ANXA4: variants seen among roughly 807,000 people sequenced by gnomAD.
ANXA4 encodes the protein 35-beta calcimedin.
In ANXA4, 39 loss-of-function variants were observed where a neutral mutation model predicts 49.8. The ratio of observed to expected loss-of-function variants is 0.78; its 90% CI spans 0.61 to 1.02. The LOEUF is 1.02. Among genes scored for constraint, ANXA4 ranks in the 50% least tolerant of loss-of-function variants. The pLI, the probability that ANXA4 is intolerant of heterozygous loss-of-function variation, is 0.00. For missense variants in ANXA4, 360 were observed against 410.1 expected (o/e 0.88, Z 1.05); for synonymous variants, 134 against 152.5 (o/e 0.88, Z 0.89).
At chr2:69,761,018 A>T (rs1421437056) in intron 1 of ANXA4, among the ~76,000 whole-genome samples, 2 of 151,662 alleles carry the variant, frequency 1.3e-5, no homozygotes, top group Non-Finnish European at 2.9e-5. Context: ...TAATTAATTA[A>T]TTAATTAAAA....
exon 2 of ANXA4, chr2:69,653,271 G>A (rs1676318388): frequency 1.3e-5 from 2 of 152,210 alleles, no homozygotes; most frequent in Admixed American, 1.3e-4. Flanking sequence ...TTTGTTACTG[G>A]TCCACAGTTA....
intron 1 of ANXA4, among the ~76,000 whole-genome samples, chr2:69,765,513 C>T (rs1238403544): frequency 1.3e-5 from 2 of 152,148 alleles, no homozygotes; most frequent in African/African-American, 4.8e-5. Flanking sequence ...ACATTTTCAT[C>T]ACCCCTTGAT....
At chr2:69,672,050 G>A (rs1021831117) in intron 2 of ANXA4, among the ~76,000 whole-genome samples, 1 of 152,150 alleles carries the variant, frequency 6.6e-6, no homozygotes, top group Non-Finnish European at 1.5e-5. Flanking sequence ...AGACATGTGG[G>A]AAATGATCTT....
intron 7 of ANXA4, among the ~76,000 whole-genome samples, chr2:69,811,892 T>G (rs1233224040): frequency 6.6e-6 from 1 of 152,324 alleles, no homozygotes; most frequent in East Asian, 1.9e-4. Flanking sequence ...ACCACTCTGA[T>G]GAGCCATGCC....
chr2:69,703,044 G>A (rs574254666), intron 2 of ANXA4, among the ~76,000 whole-genome samples: 2 of 152,112 alleles, frequency 1.3e-5, no homozygotes, highest in South Asian at 2.1e-4. Flanking sequence ...TTAAGTTCTG[G>A]AAAGACACAG....
intron 2 of ANXA4, among the ~76,000 whole-genome samples, chr2:69,660,601 G>A (rs960588545): frequency 9.9e-5 from 15 of 152,084 alleles, no homozygotes; most frequent in African/African-American, 3.6e-4. Flanking sequence ...GAAAAAGAGT[G>A]TATGAAGAAA....
intron 1 of ANXA4, among the ~76,000 whole-genome samples, chr2:69,778,030 G>A (rs373988568): frequency 3.3e-5 from 5 of 152,162 alleles, no homozygotes; most frequent in South Asian, 4.1e-4. Context: ...ATAAGTCTTC[G>A]AAGTTTGAAT....
chr2:69,752,161 T>C (rs981808044), intron 1 of ANXA4, among the ~76,000 whole-genome samples: 2 of 152,122 alleles, frequency 1.3e-5, no homozygotes, highest in South Asian at 4.1e-4. Context: ...CAAAGCACAC[T>C]GAAGGAATGG....
At chr2:69,748,529 A>G (rs1224358633) in intron 1 of ANXA4, among the ~76,000 whole-genome samples, 2 of 150,746 alleles carry the variant, frequency 1.3e-5, no homozygotes, top group African/African-American at 2.4e-5. Context: ...TTTATAAATT[A>G]TATTACATAA....
chr2:69,736,001 G>A (rs760109587), intron 3 of ANXA4, among the ~76,000 whole-genome samples: 6 of 152,128 alleles, frequency 3.9e-5, no homozygotes, highest in Non-Finnish European at 7.3e-5. Context: ...CATGATCTCT[G>A]CAACATGGTG....
chr2:69,663,402 A>G lies in ANXA4; in HGVS notation n.766+10120A>G, dbSNP rs563140652. 3.3e-5 allele frequency among the ~76,000 whole-genome samples: 5 copies of G among 150,104 alleles called. No homozygotes were observed. In the South Asian group the frequency reaches 8.4e-4, roughly 25 times the overall value. On this transcript the variant is annotated intron_variant and non_coding_transcript_variant, in intron 2 of 3. Transcript: ENST00000418066. ...ATAAGGGAAGGATCTGACAATAAAG[A>G]TAGAATCCAAAACACGCTAACAGAG...
At chr2:69,731,513 A>G (rs901050999) in intron 3 of ANXA4, among the ~76,000 whole-genome samples, 1 of 152,210 alleles carries the variant, frequency 6.6e-6, no homozygotes, top group Non-Finnish European at 1.5e-5. Context: ...ATCCACCTAG[A>G]GTATTTGTGA....
At chr2:69,644,170 C>G (rs1469190377), upstream of ANXA4, among the ~76,000 whole-genome samples, 108 of 37,818 alleles carry the variant, frequency 2.9e-3, 7 homozygotes, top group East Asian at 0.02. Context: ...TAAGTTCCCC[C>G]CCCCCCCCCC....
chr2:69,776,517 G>T (rs1671967435), intron 1 of ANXA4, among the ~76,000 whole-genome samples: 2 of 151,912 alleles, frequency 1.3e-5, no homozygotes, highest in South Asian at 4.2e-4. Context: ...TGGGTGAGGG[G>T]GTGGGGTGGG....
intron 1 of ANXA4, among the ~76,000 whole-genome samples, chr2:69,768,193 A>T (rs2105547678): frequency 6.6e-6 from 1 of 152,338 alleles, no homozygotes; most frequent in South Asian, 2.1e-4. Context: ...AGTCCACTGG[A>T]AAATAATAGG....
chr2:69,751,312 G>A (rs778801481), intron 1 of ANXA4, among the ~76,000 whole-genome samples: 5 of 151,948 alleles, frequency 3.3e-5, no homozygotes, highest in Non-Finnish European at 5.9e-5. Context: ...TCAGGGGTTC[G>A]AGACCAGCCT....
intron 2 of ANXA4, among the ~76,000 whole-genome samples, chr2:69,680,979 G>T (rs1471768294): frequency 6.6e-6 from 1 of 151,996 alleles, no homozygotes; most frequent in African/African-American, 2.4e-5. Context: ...TTGTTGTTTG[G>T]TCCTTGTCTT....
At chr2:69,762,381 G>A (rs1311340843) in intron 1 of ANXA4, among the ~76,000 whole-genome samples, 3 of 147,242 alleles carry the variant, frequency 2.0e-5, no homozygotes, top group African/African-American at 5.3e-5. Flanking sequence ...GTGAGACCCC[G>A]TCTAGGGGAA....
At chr2:69,818,318 G>T in intron 9 of ANXA4, 1 of 214,864 alleles carries the variant, frequency 4.7e-6, no homozygotes. Context: ...GGAAAGCAAA[G>T]CTCCCCAGAG....
Sources: gnomAD v4.1 joint callset for allele counts (sites outside exome capture counted in the v4.1 genomes callset) on GRCh38, gnomAD v4.1.1 for gene constraint, MANE v1.5 for transcripts, NCBI Gene and HGNC (gene_info 2026-07-23, HGNC 2026-07-21) for gene names.